The following FAM228B variants were observed in gnomAD, a reference collection of about 807,000 sequenced individuals.
FAM228B encodes the protein family with sequence similarity 228 member B.
In FAM228B, 38 loss-of-function variants were observed where a neutral mutation model predicts 42.6. The ratio of observed to expected loss-of-function variants is 0.89; its 90% CI spans 0.69 to 1.17. The LOEUF (loss-of-function observed/expected upper bound fraction) is 1.17. FAM228B is among the 50% of genes most tolerant of loss of function. The pLI is 0.00. For synonymous variants in FAM228B, 109 were observed against 122.3 expected, an observed-to-expected ratio of 0.89 and a Z score of 0.72; for missense variants, 344 against 367.3, an observed-to-expected ratio of 0.94 and a Z score of 0.52.
chr2:24,087,453 G>T (rs572208269), intron 2 of FAM228B: 1 of 152,128 alleles, frequency 6.6e-6, no homozygotes, highest in Non-Finnish European at 1.5e-5. Flanking sequence ...TGTGATAGAA[G>T]TGACTTTTTA....
intron 2 of FAM228B, among the ~76,000 whole-genome samples, chr2:24,128,646 CTG>C (rs1365364640): frequency 4.0e-5 from 6 of 151,744 alleles, no homozygotes; most frequent in African/African-American, 1.5e-4. Flanking sequence ...AAATGCAAGA[CTG>C]TGAATTTTAA....
At chr2:24,115,945 C>T (rs1665903698) in intron 3 of FAM228B, among the ~76,000 whole-genome samples, 1 of 148,926 alleles carries the variant, frequency 6.7e-6, no homozygotes. Flanking sequence ...ATGCATATGG[C>T]TGGGCAAAGG....
intron 7 of FAM228B, among the ~76,000 whole-genome samples, chr2:24,148,863 C>T (rs1666956888): frequency 2.0e-5 from 3 of 152,158 alleles, no homozygotes; most frequent in African/African-American, 7.2e-5. Context: ...TCCCTACTTA[C>T]CCTTTACCCT....
intron 2 of FAM228B, among the ~76,000 whole-genome samples, chr2:24,086,737 A>T (rs1665266427): frequency 1.3e-5 from 2 of 152,146 alleles, no homozygotes; most frequent in African/African-American, 4.8e-5. Flanking sequence ...AAGCACTGTA[A>T]CTCAATATAC....
chr2:24,162,236 G>T (rs1487996091), intron 8 of FAM228B, among the ~76,000 whole-genome samples: 1 of 152,162 alleles, frequency 6.6e-6, no homozygotes, highest in Non-Finnish European at 1.5e-5. Context: ...AAATTGAATT[G>T]GAGTAGTATA....
intron 7 of FAM228B, among the ~76,000 whole-genome samples, chr2:24,152,181 T>A (rs578081760): frequency 6.6e-6 from 1 of 152,358 alleles, no homozygotes; most frequent in African/African-American, 2.4e-5. Flanking sequence ...TTCTTTGTAA[T>A]TATTTCAATT....
At position 24,095,844 on chromosome 2, in the gene FAM228B, A is replaced by G. The variant is rs1394371523; in HGVS notation, c.-121+615A>G. 1 of 152,092 alleles carries G rather than the reference A, an allele frequency of 6.6e-6. No homozygotes were observed. Among genetic ancestry groups the G allele is most frequent in the East Asian group, 1.9e-4 (1 of 5,186 alleles). The allele number at this position is 152,092 out of a possible 1,614,324, so 9.4% of individuals were successfully genotyped here. A position where few individuals can be genotyped will look rare whatever the true frequency, so the allele number is the denominator to read the frequency against. ...CCCCCATGTAGCCTAACTAGGAGAT[A>G]CCTCCCAGGAGGGGCCGACAGACAC... On this transcript the variant is annotated intron_variant, in intron 3 of 10. Coordinates refer to the FAM228B transcript ENST00000613899. This position sits in a 1 kb window ranked among gnomAD's most constrained non-coding sequence, Gnocchi z 4.8.
rs1228374892 is a variant in FAM228B at position 24,164,430 on chromosome 2, T to C, written c.932+95T>C. 3 of 1,345,172 alleles carry C rather than the reference T, an allele frequency of 2.2e-6. No homozygotes were observed. The East Asian group carries it at 8.3e-5, about 37-fold the overall frequency. The allele number at this position is 1,345,172 out of a possible 1,614,324, so 83.3% of individuals were successfully genotyped here. A position where few individuals can be genotyped will look rare whatever the true frequency, so the allele number is the denominator to read the frequency against. On this transcript the variant is annotated intron_variant, in intron 9 of 10. Transcript: ENST00000615575. ...TGGGAACTTTCTTTGTATGGCAGGC[T>C]TCCAGGAAGAGAGGAGGCAGTGGGG... is the stretch of plus-strand genomic sequence containing the variant.
At chr2:24,088,835 C>T (rs2150990553) in intron 2 of FAM228B, among the ~76,000 whole-genome samples, 1 of 152,292 alleles carries the variant, frequency 6.6e-6, no homozygotes, top group Admixed American at 6.5e-5. Flanking sequence ...CCTTGCGGGA[C>T]TGAGCCCTTA....
intron 4 of FAM228B, among the ~76,000 whole-genome samples, chr2:24,139,088 GT>G (rs1666685800): frequency 6.6e-6 from 1 of 152,142 alleles, no homozygotes; most frequent in South Asian, 2.1e-4. Flanking sequence ...AATCTGAGAT[GT>G]TTGACTAGTA....
intron 2 of FAM228B, among the ~76,000 whole-genome samples, chr2:24,129,626 G>C (rs1429314859): frequency 6.6e-6 from 1 of 151,052 alleles, no homozygotes; most frequent in African/African-American, 2.4e-5. Context: ...AACCCATTGA[G>C]GTTTGTTTAT....
At chr2:24,142,461 A>G (rs1237168408) in intron 5 of FAM228B, 1 of 152,180 alleles carries the variant, frequency 6.6e-6, no homozygotes, top group African/African-American at 2.4e-5. Flanking sequence ...TAACTTTACT[A>G]AGTCTTGCTC....
rs567045933 is a variant in FAM228B at position 24,085,053 on chromosome 2, C to T, written c.-210+4098C>T. 5 of 152,356 alleles carry T rather than the reference C, an allele frequency of 3.3e-5. 1 individual carries two copies. The highest frequency in any genetic ancestry group is 1.9e-4 in the East Asian group (1 of 5,192). 9.4% of individuals were successfully genotyped at this position (152,356 alleles called of 1,614,324 possible). Reference sequence around the variant, plus strand: ...CTCTCACTTCAAGGAGAGGAAACTTCCTTCTCTCTAGGGAACGAGACCCAA... The same window carrying T: ...CTCTCACTTCAAGGAGAGGAAACTTTCTTCTCTCTAGGGAACGAGACCCAA... On this transcript the variant is annotated intron_variant, in intron 2 of 10. Transcript: ENST00000613899.
chr2:24,135,679 T>C (rs548084368), intron 3 of FAM228B, among the ~76,000 whole-genome samples: 9 of 152,136 alleles, frequency 5.9e-5, no homozygotes, highest in East Asian at 1.9e-4. Context: ...GGAACTAACA[T>C]TGGGAATGGC....
chr2:24,104,748 T>G (rs1485150469), intron 3 of FAM228B, among the ~76,000 whole-genome samples: 1 of 151,958 alleles, frequency 6.6e-6, no homozygotes, highest in Non-Finnish European at 1.5e-5. Flanking sequence ...ATTCAACTGG[T>G]GGGTGCAGCC....
At chr2:24,130,856 G>A (rs1388518294) in intron 2 of FAM228B, among the ~76,000 whole-genome samples, 1 of 152,014 alleles carries the variant, frequency 6.6e-6, no homozygotes, top group Admixed American at 6.6e-5. Flanking sequence ...TGGCATTTTT[G>A]TCATGAAGTC....
intron 3 of FAM228B, among the ~76,000 whole-genome samples, chr2:24,116,127 G>C (rs1665909491): frequency 6.6e-6 from 1 of 152,024 alleles, no homozygotes; most frequent in Admixed American, 6.6e-5. Flanking sequence ...AGGAGATCGA[G>C]ACCATCCTGG....
At chr2:24,141,149 C>T (rs1666735241) in intron 5 of FAM228B, among the ~76,000 whole-genome samples, 1 of 151,738 alleles carries the variant, frequency 6.6e-6, no homozygotes, top group African/African-American at 2.4e-5. Context: ...GATCTCGGCT[C>T]CTGCAACCTC....
chr2:24,144,335 G>T (rs11125444), intron 5 of FAM228B, among the ~76,000 whole-genome samples: 88,108 of 151,630 alleles, frequency 0.58, 26,284 homozygotes, highest in East Asian at 0.75. Flanking sequence ...CACTCGGGAG[G>T]TGGAGGTGGG....
Sources: allele counts gnomAD v4.1 joint callset (sites outside exome capture counted in the v4.1 genomes callset), GRCh38; gene constraint gnomAD v4.1.1; non-coding constraint Gnocchi (gnomAD v3.1); transcripts MANE v1.5; gene names NCBI Gene and HGNC (gene_info 2026-07-23, HGNC 2026-07-21).